Variants in RNF114 observed in about 807,000 individuals in gnomAD.
RNF114 encodes the protein ring finger protein 114, also known as E3 ubiquitin-protein ligase RNF114.
RNF114 carries 6 observed loss-of-function variants against 28.4 expected under a neutral mutation model. The observed-to-expected ratio is 0.21, with a 90% CI of 0.12 to 0.42. The LOEUF is 0.42. RNF114 is among the 10% of genes least tolerant of loss of function. The probability of loss-of-function intolerance (pLI) is 1.00; values close to 1 mark genes in which losing one functional copy is unlikely to be tolerated. For missense variants in RNF114, 249 were observed against 311.7 expected, an observed-to-expected ratio of 0.80 and a Z score of 1.51; for synonymous variants, 115 against 116.7, an observed-to-expected ratio of 0.99 and a Z score of 0.09.
At position 49,947,769 on chromosome 20, in the gene RNF114, G is replaced by GTTTTTTTTTTTTTTTTTT. The variant is rs71190519; in HGVS notation, c.514-1456_514-1439dup. 1.6e-4 allele frequency among the ~76,000 whole-genome samples: 8 copies of GTTTTTTTTTTTTTTTTTT among 50,476 alleles called. 1 individual carries two copies. Among genetic ancestry groups the GTTTTTTTTTTTTTTTTTT allele is most frequent in the Non-Finnish European group, 2.1e-4 (6 of 28,800 alleles). The allele number at this position is 50,476 out of a possible 152,430, so 33.1% of individuals were successfully genotyped here. A position where few individuals can be genotyped will look rare whatever the true frequency, so the allele number is the denominator to read the frequency against. ...GTTCTGTCTTCCTCTCCCTCTGCAA[G>GTTTTTTTTTTTTTTTTTT]TTTTTTTTTTTTTTTTTTTTTTTTT... On this transcript the variant is annotated intron_variant, in intron 4 of 5. Transcript: ENST00000244061.
chr20:49,936,772 G>A (rs1296719222), intron 1 of RNF114, among the ~76,000 whole-genome samples: 1 of 152,062 alleles, frequency 6.6e-6, no homozygotes, highest in Non-Finnish European at 1.5e-5. Context: ...GTCTTAGCGG[G>A]GCAGCTGCTG....
intron 4 of RNF114, among the ~76,000 whole-genome samples, chr20:49,948,135 C>T (rs534735364): frequency 6.6e-6 from 1 of 152,112 alleles, no homozygotes; most frequent in African/African-American, 2.4e-5. Flanking sequence ...CTTTAGAAGC[C>T]ATCTCCTTTT....
intron 5 of RNF114, 95 bp from the exon 6 acceptor site, chr20:49,951,981 C>CCGGATCCAGTTGCTAGGCTGTCCTGCTT (rs71190520): frequency 0.038 from 38,844 of 1,014,758 alleles, 1,169 homozygotes; most frequent in Non-Finnish European, 0.047. Context: ...GCAACCTGCT[C>CCGGATCCAGTTGCTAGGCTGTCCTGCTT]CGGATCCAGT....
chr20:49,939,968 C>T (rs913916354), intron 1 of RNF114, among the ~76,000 whole-genome samples: 5 of 148,388 alleles, frequency 3.4e-5, no homozygotes, highest in African/African-American at 1.2e-4. Flanking sequence ...GCAGGAGAAT[C>T]GCTTGGACCG....
intron 5 of RNF114, among the ~76,000 whole-genome samples, chr20:49,951,861 G>C (rs536773113): frequency 6.6e-6 from 1 of 152,312 alleles, no homozygotes; most frequent in Non-Finnish European, 1.5e-5. Context: ...CCTGGCAACA[G>C]AGCGAGACTC....
At chr20:49,936,951 C>T (rs1044452321) in intron 1 of RNF114, among the ~76,000 whole-genome samples, 4 of 152,024 alleles carry the variant, frequency 2.6e-5, no homozygotes, top group African/African-American at 9.7e-5. Context: ...GGCGTCGTGT[C>T]TAGCTGTGGC....
intron 2 of RNF114, 185 bp from the exon 3 acceptor site, chr20:49,945,197 G>T: frequency 1.9e-6 from 1 of 538,374 alleles, no homozygotes; most frequent in Non-Finnish European, 3.4e-6. Context: ...TAAAATAGCA[G>T]CCTTGGTATT....
At position 49,949,939 on chromosome 20, in the gene RNF114, G is replaced by A. The variant is rs1170115357; in HGVS notation, c.621+584G>A. On this transcript the variant is annotated intron_variant, in intron 5 of 5. Transcript: ENST00000244061. ...ATTACAGGCGTGAGCCACCACGCCC[G>A]GCCCAGAGTGACATTTAAGAAGATG... Among the ~76,000 whole-genome samples, 9 of 141,112 alleles carry A rather than the reference G, an allele frequency of 6.4e-5. No individual in the cohort carries two copies. The South Asian group carries it at 1.1e-3, about 17-fold the overall frequency. 92.6% of individuals were successfully genotyped at this position (141,112 alleles called of 152,430 possible).
At chr20:49,941,923 T>G in intron 2 of RNF114, 1 of 508,264 alleles carries the variant, frequency 2.0e-6, no homozygotes, top group South Asian at 3.0e-5. Context: ...AGTATATATT[T>G]TAGGTTTGAA....
intron 4 of RNF114, among the ~76,000 whole-genome samples, chr20:49,947,360 C>G (rs1038021803): frequency 6.6e-6 from 1 of 151,892 alleles, no homozygotes; most frequent in African/African-American, 2.4e-5. Flanking sequence ...CCATTTATCT[C>G]ATACTGCTTC....
At chr20:49,943,833 T>TACACAC (rs1555857451) in intron 2 of RNF114, 6 of 122,966 alleles carry the variant, frequency 4.9e-5, no homozygotes, top group African/African-American at 1.5e-4. Context: ...TATATATATA[T>TACACAC]ACACACACAC....
chr20:49,947,409 C>T (rs2090337122), intron 4 of RNF114, among the ~76,000 whole-genome samples: 1 of 152,100 alleles, frequency 6.6e-6, no homozygotes, highest in Non-Finnish European at 1.5e-5. Context: ...CAGCCTTCAG[C>T]TCCATTGCTG....
chr20:49,950,310 C>G (rs1310753524), intron 5 of RNF114, among the ~76,000 whole-genome samples: 1 of 151,752 alleles, frequency 6.6e-6, no homozygotes, highest in Non-Finnish European at 1.5e-5. Flanking sequence ...CTTGCTCTTT[C>G]CATCTCCTAG....
Position 49,936,412 on chromosome 20 carries a change from G to A in RNF114, c.-1G>A. 2.0e-6 allele frequency: 3 copies of A among 1,506,726 alleles called. No homozygotes were observed. The highest frequency in any genetic ancestry group is 1.4e-5 in the African/African-American group (1 of 69,366). 93.3% of individuals were successfully genotyped at this position (1,506,726 alleles called of 1,614,324 possible). A position where few individuals can be genotyped will look rare whatever the true frequency, so the allele number is the denominator to read the frequency against. On this transcript the variant is annotated 5_prime_UTR_variant, in exon 1 of 6. Coordinates refer to ENST00000244061, the MANE Select transcript of RNF114 (RefSeq NM_018683.4). ...GTTGCGCGGCGCAGAGCGGCAGCAA[G>A]ATGGCGGCGCAACAGCGGGACTGCG... is the stretch of plus-strand genomic sequence containing the variant.
At chr20:49,937,279 A>G (rs1356484311) in intron 1 of RNF114, among the ~76,000 whole-genome samples, 1 of 152,192 alleles carries the variant, frequency 6.6e-6, no homozygotes, top group Non-Finnish European at 1.5e-5. Context: ...ATTTGAATCT[A>G]AGCCTTGTTC....
chr20:49,946,243 A>T lies in RNF114; in HGVS notation c.506A>T (p.Lys169Ile). The change falls in exon 4 of 6, where the codon AAA becomes ATA. Residue 169 changes from lysine to isoleucine, a missense_variant. Physicochemically the swap from Lys to Ile is moderately radical, Grantham distance 102 (BLOSUM62 -3). Coordinates refer to ENST00000244061, the MANE Select transcript of RNF114 (RefSeq NM_018683.4). ...AAATTATTCCATAGCACGGATACCA[A>T]ATCTGTGGTGAGTAACCTTTTTTTT... ...HCKLFHSTDT[K>I]SVVCPICASM... 1 of 1,543,414 alleles carries T rather than the reference A, an allele frequency of 6.5e-7. No homozygotes were observed. The highest frequency in any genetic ancestry group is 8.8e-7 in the Non-Finnish European group (1 of 1,135,140).
Position 49,936,421 on chromosome 20 carries a change from G to T in RNF114, c.9G>T (p.Ala3=). ...CGCAGAGCGGCAGCAAGATGGCGGC[G>T]CAACAGCGGGACTGCGGGGGTGCTG... The part of the protein sequence containing the change: MA[A]QQRDCGGAAQ... The change falls in exon 1 of 6, where the codon GCG becomes GCT. Residue 3 remains alanine, a synonymous_variant. Transcript: ENST00000244061. The T allele has an allele frequency of 6.6e-7, 1 of 1,512,288 alleles. No homozygotes were observed. Among genetic ancestry groups the T allele is most frequent in the Non-Finnish European group, 8.8e-7 (1 of 1,130,718 alleles). 93.7% of individuals were successfully genotyped at this position (1,512,288 alleles called of 1,614,324 possible). A position where few individuals can be genotyped will look rare whatever the true frequency, so the allele number is the denominator to read the frequency against.
chr20:49,946,940 C>G (rs2090333950), intron 4 of RNF114, among the ~76,000 whole-genome samples: 1 of 150,646 alleles, frequency 6.6e-6, no homozygotes, highest in African/African-American at 2.4e-5. Context: ...AAAATGTAGG[C>G]TGGGCACGGT....
intron 4 of RNF114, among the ~76,000 whole-genome samples, chr20:49,947,324 A>ATACT (rs1361966275): frequency 6.8e-6 from 1 of 146,438 alleles, no homozygotes; most frequent in Non-Finnish European, 1.5e-5. Context: ...AGTTAGGTGT[A>ATACT]TACTTCCTCT....
Sources: gnomAD v4.1 joint callset for allele counts (sites outside exome capture counted in the v4.1 genomes callset) on GRCh38, gnomAD v4.1.1 for gene constraint, MANE v1.5 for transcripts, NCBI Gene and HGNC (gene_info 2026-07-23, HGNC 2026-07-21) for gene names.